HAPLN1: variants seen among roughly 807,000 people sequenced by gnomAD.
The protein encoded by HAPLN1 is hyaluronan and proteoglycan link protein 1, also known as Cartilage link protein.
HAPLN1 carries 13 observed loss-of-function variants against 36.5 expected under a neutral mutation model. That is an observed-to-expected ratio of 0.36 (90% confidence interval 0.23 to 0.57). The LOEUF (loss-of-function observed/expected upper bound fraction) is 0.57, where lower values mean the gene tolerates loss of function less well. Ranked by LOEUF, HAPLN1 falls within the 20% of genes least tolerant of loss-of-function variation. The pLI is 0.83. For synonymous variants in HAPLN1, 202 were observed against 169.8 expected (o/e 1.19, Z -1.48); for missense variants, 407 against 439.7 (o/e 0.93, Z 0.66).
chr5:83,671,644 G>A (rs542380685), intron 2 of HAPLN1, among the ~76,000 whole-genome samples: 31 of 152,270 alleles, frequency 2.0e-4, no homozygotes, highest in African/African-American at 7.5e-4. Context: ...CAATCTGAAT[G>A]CTATCACAAA....
At chr5:83,689,774 G>A (rs561253145) in intron 1 of HAPLN1, among the ~76,000 whole-genome samples, 33 of 152,126 alleles carry the variant, frequency 2.2e-4, no homozygotes, top group African/African-American at 7.0e-4. Flanking sequence ...GTGTGTGCAT[G>A]CACCTATAAA....
At chr5:83,672,787 A>G (rs1393480200) in intron 2 of HAPLN1, among the ~76,000 whole-genome samples, 2 of 152,198 alleles carry the variant, frequency 1.3e-5, no homozygotes, top group African/African-American at 4.8e-5. Flanking sequence ...CTCTTATTGC[A>G]TAAGTCTCAG....
At chr5:83,676,844 C>T (rs752985111) in intron 1 of HAPLN1, among the ~76,000 whole-genome samples, 8 of 152,202 alleles carry the variant, frequency 5.3e-5, no homozygotes, top group Admixed American at 6.5e-5. Flanking sequence ...TCTTAATGCT[C>T]GATCAGCCAG....
intron 1 of HAPLN1, among the ~76,000 whole-genome samples, chr5:83,687,532 A>C (rs1751159303): frequency 6.6e-6 from 1 of 152,216 alleles, no homozygotes; most frequent in Non-Finnish European, 1.5e-5. Flanking sequence ...GCATCTAAAC[A>C]AGGAATGACC....
intron 1 of HAPLN1, among the ~76,000 whole-genome samples, chr5:83,713,347 G>A (rs1751838782): frequency 6.6e-6 from 1 of 152,168 alleles, no homozygotes; most frequent in Non-Finnish European, 1.5e-5. Flanking sequence ...ACTGTGAGAT[G>A]TAAGGATTAA....
chr5:83,665,331 G>A (rs1003655918), intron 2 of HAPLN1, among the ~76,000 whole-genome samples: 9 of 152,042 alleles, frequency 5.9e-5, no homozygotes, highest in Admixed American at 1.3e-4. Flanking sequence ...TAATGTATAA[G>A]GCTACATTAT....
chr5:83,661,388 C>G (rs986741098), intron 2 of HAPLN1, among the ~76,000 whole-genome samples: 1 of 150,100 alleles, frequency 6.7e-6, no homozygotes, highest in Non-Finnish European at 1.5e-5. Flanking sequence ...TTCCTTGTTC[C>G]TCTTACCCCT....
At chr5:83,657,028 G>A (rs779573238) in intron 2 of HAPLN1, among the ~76,000 whole-genome samples, 18 of 151,658 alleles carry the variant, frequency 1.2e-4, no homozygotes, top group South Asian at 2.1e-4. Context: ...GTTTATACCC[G>A]CAGAAATCTA....
rs189809430 is a variant in HAPLN1 at position 83,658,300 on chromosome 5, T to G, written c.101-5476A>C. 2.1e-3 allele frequency among the ~76,000 whole-genome samples: 327 copies of G among 152,304 alleles called. 5 individuals carry two copies. The highest frequency in any genetic ancestry group is 3.8e-4 in the Non-Finnish European group (26 of 68,022). ...GTCCATCACTGTGCTTACCATGGTC[T>G]ATTGCAAACAATCACTCTGCCTTGT... On this transcript the variant is annotated intron_variant, in intron 2 of 4. Coordinates refer to ENST00000274341, the MANE Select transcript of HAPLN1 (RefSeq NM_001884.4).
chr5:83,674,742 T>C (rs901368932), intron 1 of HAPLN1: 28 of 152,218 alleles, frequency 1.8e-4, no homozygotes, highest in Admixed American at 1.3e-4. Flanking sequence ...GGGATACTTA[T>C]TAAAGAGCTC....
At chr5:83,703,499 C>G (rs918566782) in intron 1 of HAPLN1, 13 of 152,074 alleles carry the variant, frequency 8.5e-5, no homozygotes, top group Non-Finnish European at 1.3e-4. Context: ...AGCATGGCCC[C>G]TGCGCAAGGA....
chr5:83,691,120 A>G (rs957391337), intron 1 of HAPLN1, among the ~76,000 whole-genome samples: 5 of 152,118 alleles, frequency 3.3e-5, no homozygotes, highest in Non-Finnish European at 7.4e-5. Context: ...GGTGAGTCAT[A>G]TAATTTATTG....
intron 1 of HAPLN1, among the ~76,000 whole-genome samples, chr5:83,705,313 C>T (rs1032757328): frequency 1.4e-5 from 2 of 145,978 alleles, no homozygotes; most frequent in African/African-American, 2.6e-5. Flanking sequence ...CCACTTGAAC[C>T]TGGGAGGCGG....
chr5:83,717,649 T>C (rs1751943306), intron 1 of HAPLN1, among the ~76,000 whole-genome samples: 1 of 152,242 alleles, frequency 6.6e-6, no homozygotes, highest in East Asian at 1.9e-4. Context: ...CTCAGTGCAA[T>C]ACTCAAATGG....
chr5:83,711,856 A>C (rs1283348600), intron 1 of HAPLN1, among the ~76,000 whole-genome samples: 1 of 152,162 alleles, frequency 6.6e-6, no homozygotes, highest in Non-Finnish European at 1.5e-5. Flanking sequence ...AATTCTGGAA[A>C]TGTTAAGTTC....
chr5:83,655,901 G>A (rs1018778174), intron 2 of HAPLN1, among the ~76,000 whole-genome samples: 6 of 152,110 alleles, frequency 3.9e-5, no homozygotes, highest in African/African-American at 1.5e-4. Flanking sequence ...GGAAATGAAA[G>A]GAGTGAAGAC....
At chr5:83,695,634 A>ATCT in intron 1 of HAPLN1, among the ~76,000 whole-genome samples, 1 of 147,566 alleles carries the variant, frequency 6.8e-6, no homozygotes, top group Non-Finnish European at 1.5e-5. Context: ...CTATATAGAT[A>ATCT]AATATATTTA....
chr5:83,712,830 T>A (rs1390710411), intron 1 of HAPLN1, among the ~76,000 whole-genome samples: 1 of 150,710 alleles, frequency 6.6e-6, no homozygotes, highest in African/African-American at 2.4e-5. Context: ...ATGATTGAAT[T>A]TTTTTTTTGT....
intron 3 of HAPLN1, among the ~76,000 whole-genome samples, chr5:83,647,579 T>C (rs1208064176): frequency 6.6e-6 from 1 of 152,212 alleles, no homozygotes; most frequent in Non-Finnish European, 1.5e-5. Context: ...GCAGAAACCT[T>C]CTTGGCTCTG....
Sources: gnomAD v4.1 joint callset for allele counts (sites outside exome capture counted in the v4.1 genomes callset) on GRCh38, gnomAD v4.1.1 for gene constraint, MANE v1.5 for transcripts, NCBI Gene and HGNC (gene_info 2026-07-23, HGNC 2026-07-21) for gene names.